The following MTSS1 variants were observed in gnomAD, a reference collection of about 807,000 sequenced individuals.
MTSS1 encodes the protein MTSS I-BAR domain containing 1.
A neutral mutation model predicts 79.0 loss-of-function variants in MTSS1; 18 were observed. That is an observed-to-expected ratio of 0.23 (90% CI 0.16 to 0.34). The LOEUF (loss-of-function observed/expected upper bound fraction) is 0.34. Among genes scored for constraint, MTSS1 ranks in the 10% least tolerant of loss-of-function variants. The pLI is 1.00. For synonymous variants in MTSS1, 341 were observed against 368.6 expected (o/e 0.93, Z 0.86); for missense variants, 815 against 986.2 (o/e 0.83, Z 2.33).
chr8:124,723,607 T>C (rs1175117250), intron 1 of MTSS1, among the ~76,000 whole-genome samples: 1 of 152,196 alleles, frequency 6.6e-6, no homozygotes, highest in African/African-American at 2.4e-5. Context: ...AAGATGACTC[T>C]ACATAGAAGA....
chr8:124,684,290 C>A (rs903261424), intron 3 of MTSS1, among the ~76,000 whole-genome samples: 1 of 152,134 alleles, frequency 6.6e-6, no homozygotes, highest in Non-Finnish European at 1.5e-5. Flanking sequence ...CAAAGGAATT[C>A]ATATTCATAA....
chr8:124,578,737 G>C (rs1829467764), intron 6 of MTSS1, among the ~76,000 whole-genome samples: 1 of 152,164 alleles, frequency 6.6e-6, no homozygotes, highest in South Asian at 2.1e-4. Flanking sequence ...GGAGGTTGCA[G>C]TGAGCCGAGA....
intron 3 of MTSS1, among the ~76,000 whole-genome samples, chr8:124,611,107 C>G (rs961866172): frequency 1.7e-5 from 1 of 59,254 alleles, no homozygotes; most frequent in East Asian, 5.0e-4. Flanking sequence ...ACCAGACAGA[C>G]CCCCCCCCCC....
chr8:124,668,392 AC>A (rs1823513662), intron 3 of MTSS1, among the ~76,000 whole-genome samples: 1 of 152,084 alleles, frequency 6.6e-6, no homozygotes, highest in Non-Finnish European at 1.5e-5. Flanking sequence ...AGGTTTCCAT[AC>A]CTCAGCTCAC....
At chr8:124,581,008 C>T (rs1049314753) in intron 6 of MTSS1, among the ~76,000 whole-genome samples, 2 of 152,122 alleles carry the variant, frequency 1.3e-5, no homozygotes, top group Non-Finnish European at 2.9e-5. Context: ...TGTAGTATAA[C>T]AGCAAATACT....
At chr8:124,570,656 G>A (rs1827563789) in intron 6 of MTSS1, among the ~76,000 whole-genome samples, 1 of 152,106 alleles carries the variant, frequency 6.6e-6, no homozygotes, top group Non-Finnish European at 1.5e-5. Context: ...CTGAGGAGAA[G>A]GGGGAACTAC....
intron 1 of MTSS1, among the ~76,000 whole-genome samples, chr8:124,721,900 T>C (rs898665604): frequency 3.9e-5 from 6 of 152,136 alleles, no homozygotes; most frequent in Admixed American, 3.9e-4. Context: ...TGCAGCCAAA[T>C]GAGGTACACC....
intron 3 of MTSS1, among the ~76,000 whole-genome samples, chr8:124,696,262 C>G (rs1297990749): frequency 1.3e-5 from 2 of 152,136 alleles, no homozygotes; most frequent in African/African-American, 4.8e-5. Context: ...GCTGGGATTA[C>G]AGGTGTGAGC....
intron 1 of MTSS1, among the ~76,000 whole-genome samples, chr8:124,717,454 C>T: frequency 6.6e-6 from 1 of 150,986 alleles, no homozygotes; most frequent in Non-Finnish European, 1.5e-5. Context: ...CAAGATTGCA[C>T]CACTGCACAC....
chr8:124,692,029 ATT>A (rs540850674), intron 3 of MTSS1, among the ~76,000 whole-genome samples: 16 of 136,304 alleles, frequency 1.2e-4, no homozygotes, highest in Admixed American at 2.2e-4. Context: ...AATTACCCTG[ATT>A]TTTTTTTTTT....
chr8:124,671,932 A>G (rs938424472), intron 3 of MTSS1, among the ~76,000 whole-genome samples: 17 of 152,224 alleles, frequency 1.1e-4, no homozygotes, highest in African/African-American at 4.1e-4. Flanking sequence ...AGTGACCATC[A>G]GGAAATTTCC....
chr8:124,586,630 G>A (rs961680417), intron 5 of MTSS1, among the ~76,000 whole-genome samples: 2 of 152,132 alleles, frequency 1.3e-5, no homozygotes, highest in Admixed American at 6.5e-5. Context: ...CTCGGGTCGC[G>A]CTCCCTGAGT....
At chr8:124,567,961 C>T in intron 7 of MTSS1, 2 of 1,371,602 alleles carry the variant, frequency 1.5e-6, no homozygotes, top group South Asian at 1.9e-5. Context: ...CCCCTTAGTA[C>T]TCGGCTACAA....
chr8:124,603,580 T>A (rs1328461117), intron 3 of MTSS1, among the ~76,000 whole-genome samples: 1 of 152,162 alleles, frequency 6.6e-6, no homozygotes, highest in African/African-American at 2.4e-5. Flanking sequence ...CCCTTGGGCA[T>A]GGAGAGATGG....
At chr8:124,688,666 T>C (rs1328335883) in intron 3 of MTSS1, among the ~76,000 whole-genome samples, 1 of 152,168 alleles carries the variant, frequency 6.6e-6, no homozygotes, top group Non-Finnish European at 1.5e-5. Context: ...CAAACCAAAA[T>C]GTCTGTAAAC....
chr8:124,657,947 G>T (rs931122023), intron 3 of MTSS1, among the ~76,000 whole-genome samples: 1 of 152,138 alleles, frequency 6.6e-6, no homozygotes, highest in Non-Finnish European at 1.5e-5. Context: ...AGGTAATTAG[G>T]TCATGAGAGT....
At chr8:124,694,405 C>T (rs1447226788) in intron 3 of MTSS1, among the ~76,000 whole-genome samples, 1 of 151,828 alleles carries the variant, frequency 6.6e-6, no homozygotes, top group Non-Finnish European at 1.5e-5. Context: ...CATCCAATGC[C>T]TGAGGAAGGC....
intron 3 of MTSS1, among the ~76,000 whole-genome samples, chr8:124,601,464 C>T (rs60740213): frequency 0.038 from 5,753 of 152,246 alleles, 368 homozygotes; most frequent in African/African-American, 0.13. Context: ...ATCCAGGGCT[C>T]GGGACTGTGT....
chr8:124,680,052 T>C (rs928880406), intron 3 of MTSS1, among the ~76,000 whole-genome samples: 3 of 152,146 alleles, frequency 2.0e-5, no homozygotes, highest in African/African-American at 4.8e-5. Flanking sequence ...TTAAATCAGG[T>C]TCTCTTGATC....
Sources: allele counts gnomAD v4.1 joint callset (sites outside exome capture counted in the v4.1 genomes callset), GRCh38; gene constraint gnomAD v4.1.1; transcripts MANE v1.5; gene names NCBI Gene and HGNC (gene_info 2026-07-23, HGNC 2026-07-21).